TMEM19: variants seen among roughly 807,000 people sequenced by gnomAD.
TMEM19 encodes transmembrane protein 19.
Under a neutral mutation model 33.6 loss-of-function variants are expected in TMEM19, and 21 were observed. The ratio of observed to expected loss-of-function variants is 0.62; its 90% CI spans 0.44 to 0.90. The LOEUF (loss-of-function observed/expected upper bound fraction) is 0.90. Among genes scored for constraint, TMEM19 ranks in the 40% least tolerant of loss-of-function variants. TMEM19 has a pLI of 0.00. For missense variants in TMEM19, 402 were observed against 401.8 expected (o/e 1.00, Z 0.00); for synonymous variants, 149 against 147.5 (o/e 1.01, Z -0.07).
rs1698598796 is a variant in TMEM19, at chr12:71,699,014, C to A, written c.752C>A (p.Ser251Tyr). The change falls in exon 5 of 6, where the codon TCT becomes TAT. Residue 251 changes from serine to tyrosine, a missense_variant. By Grantham distance (144) the Ser-to-Tyr change is moderately radical (BLOSUM62 -2). Coordinates refer to ENST00000266673, the MANE Select transcript of TMEM19 (RefSeq NM_018279.4). ...ATTTTTGTGAATGATTTAGACATTT[C>A]TGCCCCGCAGTGGCCAATTATTGCA... Reference protein sequence around the residue: ...QLIFVNDLDISAPQWPIIAFG... With the variant: ...QLIFVNDLDIYAPQWPIIAFG... 6.2e-7 allele frequency: 1 copy of A among 1,614,074 alleles called. No individual in the cohort carries two copies. The highest frequency in any genetic ancestry group is 1.7e-5 in the Admixed American group (1 of 59,996).
chr12:71,691,942 C>T (rs1881793059), intron 2 of TMEM19, among the ~76,000 whole-genome samples: 1 of 152,152 alleles, frequency 6.6e-6, no homozygotes, highest in Non-Finnish European at 1.5e-5. Context: ...GACATCTGCT[C>T]CTCTCCTATG....
chr12:71,690,692 A>G (rs1592618908), intron 2 of TMEM19, among the ~76,000 whole-genome samples: 2 of 152,218 alleles, frequency 1.3e-5, no homozygotes, highest in Non-Finnish European at 2.9e-5. Context: ...TCTTCTGTAA[A>G]TGGTGTCAGG....
chr12:71,686,393 C>T lies in TMEM19; in HGVS notation c.-288C>T, dbSNP rs959593679. 3.3e-6 allele frequency: 1 copy of T among 301,444 alleles called. No homozygotes were observed. The highest frequency in any genetic ancestry group is 6.2e-6 in the Non-Finnish European group (1 of 162,376). The allele number at this position is 301,444 out of a possible 1,614,324, so 18.7% of individuals were successfully genotyped here. A position where few individuals can be genotyped will look rare whatever the true frequency, so the allele number is the denominator to read the frequency against. On this transcript the variant is annotated 5_prime_UTR_variant, in exon 1 of 6. Transcript: ENST00000266673. Reference sequence around the variant, plus strand: ...TTTCTCTTTTCCCCGTGGGCTCCGGCGTGAGGCGCTGAAGCGGCCGGCAGC... The same window carrying T: ...TTTCTCTTTTCCCCGTGGGCTCCGGTGTGAGGCGCTGAAGCGGCCGGCAGC...
intron 2 of TMEM19, among the ~76,000 whole-genome samples, chr12:71,695,915 G>A (rs987554093): frequency 6.6e-6 from 1 of 152,142 alleles, no homozygotes; most frequent in Non-Finnish European, 1.5e-5. Context: ...CGATTAAAAG[G>A]TACCAAAGTT....
At chr12:71,688,826 T>G (rs1180825954) in intron 1 of TMEM19, among the ~76,000 whole-genome samples, 1 of 152,220 alleles carries the variant, frequency 6.6e-6, no homozygotes, top group East Asian at 1.9e-4. Context: ...TAGCCAAACA[T>G]CTGTGAGCTG....
Position 71,700,110 on chromosome 12 carries a change from T to C in TMEM19, c.848-722T>C, listed in dbSNP as rs112414249. 5.2e-3 allele frequency among the ~76,000 whole-genome samples: 793 copies of C among 152,282 alleles called. 3 individuals are homozygous for C. The highest frequency in any genetic ancestry group is 0.018 in the African/African-American group (748 of 41,558). ...AATCTATGTGCCCTTCCTCCCCCTC[T>C]CCATCAGTCAGAATATTTGTTCTCC... On this transcript the variant is annotated intron_variant, in intron 5 of 5. Coordinates refer to ENST00000266673, the MANE Select transcript of TMEM19 (RefSeq NM_018279.4).
intron 2 of TMEM19, among the ~76,000 whole-genome samples, chr12:71,695,408 A>G (rs1881854590): frequency 6.6e-6 from 1 of 152,310 alleles, no homozygotes; most frequent in Non-Finnish European, 1.5e-5. Context: ...TTAACAGTGA[A>G]TATTCATGAA....
chr12:71,698,939 G>A lies in TMEM19; in HGVS notation c.677G>A (p.Ser226Asn), dbSNP rs1165278194. The A allele has an allele frequency of 6.2e-7, 1 of 1,614,148 alleles. No homozygotes were observed. Among genetic ancestry groups the A allele is most frequent in the East Asian group, 2.2e-5 (1 of 44,884 alleles). The change falls in exon 5 of 6, where the codon AGT (serine) becomes AAT (asparagine). Residue 226 changes from serine to asparagine, a missense_variant. Coordinates refer to ENST00000266673, the MANE Select transcript of TMEM19 (RefSeq NM_018279.4). ...GTTACAGTGGTGGGCCTTGTCTCCAGTCTCCTTGGTGGTACCTTTGTGGGC... is the reference window on the plus strand; with the variant it reads ...GTTACAGTGGTGGGCCTTGTCTCCAATCTCCTTGGTGGTACCTTTGTGGGC... ...GGVTVVGLVS[S>N]LLGGTFVGIA...
chr12:71,691,327 A>T (rs541611178), intron 2 of TMEM19, among the ~76,000 whole-genome samples: 1 of 152,244 alleles, frequency 6.6e-6, no homozygotes, highest in South Asian at 2.1e-4. Context: ...AGGAGTGGTT[A>T]TATTTTATCT....
chr12:71,699,210 G>T, intron 5 of TMEM19, 101 bp downstream of exon 5: 1 of 1,259,828 alleles, frequency 7.9e-7, no homozygotes, highest in Non-Finnish European at 1.1e-6. Flanking sequence ...AAAGACACAG[G>T]GTGTTGAGGG....
At chr12:71,695,384 G>C (rs192645167) in intron 2 of TMEM19, among the ~76,000 whole-genome samples, 1 of 152,112 alleles carries the variant, frequency 6.6e-6, no homozygotes, top group Admixed American at 6.6e-5. Context: ...GTTTAGAGAC[G>C]GTGGAACAAA....
intron 4 of TMEM19, among the ~76,000 whole-genome samples, chr12:71,698,295 A>G (rs1205900611): frequency 6.6e-6 from 1 of 151,972 alleles, no homozygotes; most frequent in Non-Finnish European, 1.5e-5. Flanking sequence ...TTAGATACCT[A>G]CTACAGAGCA....
chr12:71,699,389 A>G, intron 5 of TMEM19: 1 of 548,514 alleles, frequency 1.8e-6, no homozygotes. Context: ...ACCTAATCCC[A>G]GAAAAGCAAG....
At chr12:71,690,907 C>G (rs1258212514) in intron 2 of TMEM19, among the ~76,000 whole-genome samples, 1 of 152,186 alleles carries the variant, frequency 6.6e-6, no homozygotes, top group African/African-American at 2.4e-5. Flanking sequence ...ATTGAATAAA[C>G]TCTAGCAATG....
At position 71,702,908 on chromosome 12, in the gene TMEM19, A is replaced by C. The variant is rs1882003928; in HGVS notation, c.*1913A>C. 1 of 152,082 alleles carries C rather than the reference A, an allele frequency of 6.6e-6. No homozygotes were observed. The highest frequency in any genetic ancestry group is 1.5e-5 in the Non-Finnish European group (1 of 68,014). The allele number at this position is 152,082 out of a possible 1,614,324, so 9.4% of individuals were successfully genotyped here. On this transcript the variant is annotated 3_prime_UTR_variant, in exon 6 of 6. Coordinates refer to ENST00000266673, the MANE Select transcript of TMEM19 (RefSeq NM_018279.4). Reference sequence around the variant, plus strand: ...AATAAGAATATCCTGGGCCGGGCGCACTGGCTCATGCCTGTAATCCCAGCA... The same window carrying C: ...AATAAGAATATCCTGGGCCGGGCGCCCTGGCTCATGCCTGTAATCCCAGCA...
In TMEM19 at chr12:71,697,503, A is replaced by G; in HGVS notation, c.606A>G (p.Arg202=). ...VGPVLSKSSP[R]LITTWEKVPV... ...CAGTTCTGAGTAAAAGTTCTCCAAG[A>G]CTGATAACAACCTGGGAGAAAGTTC... Residue 202 remains arginine, a synonymous_variant, in exon 4 of 6, where the codon AGA becomes AGG. Coordinates refer to ENST00000266673, the MANE Select transcript of TMEM19 (RefSeq NM_018279.4). The G allele has an allele frequency of 6.3e-7, 1 of 1,582,808 alleles. No individual in the cohort carries two copies. Among genetic ancestry groups the G allele is most frequent in the South Asian group, 1.2e-5 (1 of 83,486 alleles).
At chr12:71,688,376 C>G (rs560395450) in intron 1 of TMEM19, among the ~76,000 whole-genome samples, 10 of 152,132 alleles carry the variant, frequency 6.6e-5, no homozygotes, top group Non-Finnish European at 1.5e-4. Context: ...ATTACAGGTG[C>G]CTGCCACCAT....
chr12:71,695,589 C>T (rs1881856905), intron 2 of TMEM19, among the ~76,000 whole-genome samples: 1 of 152,092 alleles, frequency 6.6e-6, no homozygotes, highest in Non-Finnish European at 1.5e-5. Flanking sequence ...GAGCTTTTGC[C>T]ACTGGAACTG....
At chr12:71,692,244 C>T (rs894010045) in intron 2 of TMEM19, among the ~76,000 whole-genome samples, 6 of 152,140 alleles carry the variant, frequency 3.9e-5, no homozygotes, top group Admixed American at 6.5e-5. Flanking sequence ...TTTCTTTCTC[C>T]GTACCTCTGC....
Sources: gnomAD v4.1 joint callset for allele counts (sites outside exome capture counted in the v4.1 genomes callset) on GRCh38, gnomAD v4.1.1 for gene constraint, MANE v1.5 for transcripts, NCBI Gene and HGNC (gene_info 2026-07-23, HGNC 2026-07-21) for gene names.